The following RGS7 variants were observed in gnomAD, a reference collection of about 807,000 sequenced individuals.
RGS7 encodes regulator of G protein signaling 7.
In RGS7, 27 loss-of-function variants were observed where a neutral mutation model predicts 81.1. That is an observed-to-expected ratio of 0.33 (90% CI 0.25 to 0.46). The LOEUF is 0.46. RGS7 is among the 20% of genes least tolerant of loss of function. The probability of loss-of-function intolerance (pLI) is 1.00; values close to 1 mark genes in which losing one functional copy is unlikely to be tolerated. For missense variants in RGS7, 396 were observed against 607.4 expected (o/e 0.65, Z 3.66); for synonymous variants, 208 against 207.7 (o/e 1.00, Z -0.01).
chr1:241,044,113 T>G (rs1436287740), intron 3 of RGS7, among the ~76,000 whole-genome samples: 8 of 73,586 alleles, frequency 1.1e-4, no homozygotes, highest in Admixed American at 4.7e-4. Flanking sequence ...GTTTTTTTTG[T>G]TTTTTTTTTT....
At chr1:241,328,249 G>A (rs1251512167) in intron 2 of RGS7, among the ~76,000 whole-genome samples, 1 of 152,140 alleles carries the variant, frequency 6.6e-6, no homozygotes, top group African/African-American at 2.4e-5. Context: ...TCAGGGCTTT[G>A]CCACTGGCTA....
chr1:241,161,079 A>G (rs559683422), intron 2 of RGS7, among the ~76,000 whole-genome samples: 32 of 152,268 alleles, frequency 2.1e-4, no homozygotes, highest in Non-Finnish European at 3.1e-4. Flanking sequence ...TGATTTAAGA[A>G]ATCTTCAACT....
rs2068139558 is a variant in RGS7, at chr1:241,144,333, T to C, written c.79-45571A>G. ...CGCATCCATCACACACACATGTGGA[T>C]ACGCACAGGCACACACATCCAAATA... On this transcript the variant is annotated intron_variant, in intron 2 of 18. Coordinates refer to ENST00000440928, the MANE Select transcript of RGS7 (RefSeq NM_001364886.1). The surrounding 1 kb of genome is among the most constrained non-coding windows in gnomAD (Gnocchi z 4.7). Among the ~76,000 whole-genome samples the C allele has an allele frequency of 1.3e-5, 2 of 152,290 alleles. No homozygotes were observed. Among genetic ancestry groups the C allele is most frequent in the South Asian group, 4.1e-4 (2 of 4,826 alleles).
chr1:241,214,066 G>T (rs2074409749), intron 2 of RGS7, among the ~76,000 whole-genome samples: 1 of 152,124 alleles, frequency 6.6e-6, no homozygotes, highest in South Asian at 2.1e-4. Flanking sequence ...TGCCCAGCAA[G>T]AAAAATAGCC....
chr1:240,966,218 G>A (rs1259945177), intron 4 of RGS7, among the ~76,000 whole-genome samples: 5 of 151,904 alleles, frequency 3.3e-5, no homozygotes, highest in African/African-American at 4.8e-5. Flanking sequence ...TAAATGATCC[G>A]ACCTTGAATT....
At chr1:240,951,630 A>G (rs1016476306) in intron 4 of RGS7, among the ~76,000 whole-genome samples, 4 of 152,186 alleles carry the variant, frequency 2.6e-5, no homozygotes, top group African/African-American at 9.7e-5. Context: ...CAAAAAGAAC[A>G]ACAATAACAA....
At chr1:240,995,893 G>A (rs535461290) in intron 3 of RGS7, among the ~76,000 whole-genome samples, 1 of 151,826 alleles carries the variant, frequency 6.6e-6, no homozygotes, top group South Asian at 2.1e-4. Flanking sequence ...TCTAGAGTTT[G>A]GAGTTTAGAT....
chr1:241,030,146 G>C (rs965708308), intron 3 of RGS7, among the ~76,000 whole-genome samples: 1 of 152,042 alleles, frequency 6.6e-6, no homozygotes, highest in Non-Finnish European at 1.5e-5. Context: ...GAATAAGCTA[G>C]GTGTAGGTTT....
At chr1:241,233,370 C>A (rs886167889) in intron 2 of RGS7, among the ~76,000 whole-genome samples, 10 of 152,174 alleles carry the variant, frequency 6.6e-5, no homozygotes, top group Admixed American at 5.9e-4. Flanking sequence ...TAATCAACTT[C>A]TCTTCCCTCC....
intron 4 of RGS7, among the ~76,000 whole-genome samples, chr1:240,981,162 T>C (rs1684857550): frequency 6.6e-6 from 1 of 152,120 alleles, no homozygotes; most frequent in Non-Finnish European, 1.5e-5. Context: ...CAGGCTGGAG[T>C]GCAGTGGTGT....
At chr1:240,932,980 T>G (rs1320273391) in intron 5 of RGS7, among the ~76,000 whole-genome samples, 8 of 141,252 alleles carry the variant, frequency 5.7e-5, no homozygotes, top group Non-Finnish European at 9.1e-5. Flanking sequence ...GCCTCCCGGG[T>G]TCACGCCATT....
intron 3 of RGS7, among the ~76,000 whole-genome samples, chr1:241,008,933 A>G (rs1008842811): frequency 5.1e-4 from 77 of 150,830 alleles, no homozygotes; most frequent in African/African-American, 1.9e-3. Flanking sequence ...AAAAAAAAAA[A>G]AAAGAAATGT....
intron 9 of RGS7, among the ~76,000 whole-genome samples, chr1:240,854,675 A>G (rs1387398774): frequency 6.6e-6 from 1 of 152,228 alleles, no homozygotes; most frequent in Non-Finnish European, 1.5e-5. Context: ...TCCAAAGCAA[A>G]GCAGGCTAAT....
intron 4 of RGS7, among the ~76,000 whole-genome samples, chr1:240,944,276 GTGTGTGTATATATA>G (rs1212266403): frequency 2.7e-4 from 5 of 18,836 alleles, no homozygotes; most frequent in African/African-American, 7.9e-4. Flanking sequence ...GTGTGTGTGT[GTGTGTGTATATATA>G]TATATATATA....
At chr1:241,209,698 A>G (rs7514694) in intron 2 of RGS7, among the ~76,000 whole-genome samples, 88,844 of 151,730 alleles carry the variant, frequency 0.59, 27,889 homozygotes, top group East Asian at 0.82. Context: ...TTAGCTGGGC[A>G]GCCTGGCATG....
chr1:240,887,073 G>A (rs919306729), intron 6 of RGS7, among the ~76,000 whole-genome samples: 4 of 152,116 alleles, frequency 2.6e-5, no homozygotes, highest in African/African-American at 4.8e-5. Context: ...ATGTGTTGGA[G>A]AGTTCTGTGT....
At chr1:240,906,752 T>G (rs1670885209) in intron 6 of RGS7, among the ~76,000 whole-genome samples, 1 of 152,192 alleles carries the variant, frequency 6.6e-6, no homozygotes, top group African/African-American at 2.4e-5. Context: ...AAACATTTCT[T>G]GGCTCAAAGA....
chr1:241,212,957 CT>C (rs1475143096), intron 2 of RGS7, among the ~76,000 whole-genome samples: 1 of 152,168 alleles, frequency 6.6e-6, no homozygotes, highest in African/African-American at 2.4e-5. Flanking sequence ...TGGACTGATC[CT>C]TTACATCAAT....
chr1:241,264,918 C>G (rs2077506525), intron 2 of RGS7, among the ~76,000 whole-genome samples: 1 of 152,202 alleles, frequency 6.6e-6, no homozygotes, highest in South Asian at 2.1e-4. Flanking sequence ...CTCCAGCGGC[C>G]TAACTGCAAG....
Sources: gnomAD v4.1 joint callset for allele counts (sites outside exome capture counted in the v4.1 genomes callset) on GRCh38, gnomAD v4.1.1 for gene constraint, Gnocchi (gnomAD v3.1) non-coding constraint, MANE v1.5 for transcripts, NCBI Gene and HGNC (gene_info 2026-07-23, HGNC 2026-07-21) for gene names.